Variants in GPLD1 observed in about 807,000 individuals in gnomAD.
GPLD1 encodes phosphatidylinositol-glycan-specific phospholipase D.
GPLD1 carries 84 observed loss-of-function variants against 112.6 expected under a neutral mutation model. The observed-to-expected ratio is 0.75, with a 90% CI of 0.63 to 0.89. The LOEUF (loss-of-function observed/expected upper bound fraction) is 0.89. Ranked by LOEUF, GPLD1 falls within the 40% of genes least tolerant of loss-of-function variation. GPLD1 has a pLI of 0.00. For synonymous variants in GPLD1, 386 were observed against 403.8 expected, an observed-to-expected ratio of 0.96 and a Z score of 0.53; for missense variants, 1,044 against 1,051.5, an observed-to-expected ratio of 0.99 and a Z score of 0.10.
At position 24,445,720 on chromosome 6, in the gene GPLD1, T is replaced by C; in HGVS notation, c.1926+6A>G. 6.2e-7 allele frequency: 1 copy of C among 1,610,810 alleles called. No homozygotes were observed. The highest frequency in any genetic ancestry group is 1.3e-5 in the African/African-American group (1 of 74,936). On this transcript the variant is annotated splice_donor_region_variant and intron_variant, in intron 19 of 24. Transcript: ENST00000230036. ...CACTCTCCTGTGTGGGGAGGGCTTG[T>C]CATACCTTGTCTCCAGAAATGGTAA...
chr6:24,459,955 C>T (rs757299595), intron 12 of GPLD1, among the ~76,000 whole-genome samples: 9 of 152,120 alleles, frequency 5.9e-5, no homozygotes, highest in Non-Finnish European at 1.2e-4. Context: ...CTGGAGTGCA[C>T]TGGCATGATC....
At chr6:24,437,064 CT>C (rs778755671) in intron 21 of GPLD1, 48 bp downstream of exon 21, 10 of 1,556,518 alleles carry the variant, frequency 6.4e-6, no homozygotes, top group Non-Finnish European at 8.8e-7. Context: ...GACCCACCCC[CT>C]GGGCAAAGGG....
At chr6:24,442,873 G>A (rs2127325684) in intron 20 of GPLD1, among the ~76,000 whole-genome samples, 1 of 152,148 alleles carries the variant, frequency 6.6e-6, no homozygotes, top group South Asian at 2.1e-4. Context: ...GACCCACCAT[G>A]CCTGACCTTC....
intron 2 of GPLD1, among the ~76,000 whole-genome samples, chr6:24,482,275 AT>A (rs753817010): frequency 6.9e-6 from 1 of 145,686 alleles, no homozygotes; most frequent in Non-Finnish European, 1.5e-5. Context: ...TAATTTTTGT[AT>A]TTTTTTTCTT....
At chr6:24,480,938 G>T (rs1010672408) in intron 2 of GPLD1, among the ~76,000 whole-genome samples, 1 of 152,220 alleles carries the variant, frequency 6.6e-6, no homozygotes, top group East Asian at 1.9e-4. Flanking sequence ...TTGCAGCTCT[G>T]GCTTCCCACG....
At chr6:24,478,475 C>T (rs1386107275) in intron 3 of GPLD1, among the ~76,000 whole-genome samples, 1 of 148,784 alleles carries the variant, frequency 6.7e-6, no homozygotes, top group African/African-American at 2.6e-5. Flanking sequence ...GCAGTTTATA[C>T]AAGTACCCAG....
intron 24 of GPLD1, 52 bp from the exon 25 acceptor site, chr6:24,429,170 T>A: frequency 1.8e-6 from 2 of 1,126,892 alleles, no homozygotes; most frequent in East Asian, 2.4e-5. Context: ...ATCTATTGAG[T>A]TCCTATGGTA....
chr6:24,450,121 C>T lies in GPLD1; in HGVS notation c.1336-222G>A, dbSNP rs926390438. 3.3e-5 allele frequency among the ~76,000 whole-genome samples: 5 copies of T among 152,142 alleles called. No homozygotes were observed. In the South Asian group the frequency reaches 8.3e-4, roughly 25 times the overall value. The stretch of plus-strand genomic sequence containing the variant: ...CTGCCTTGAGGGGAAGCAGAGATGC[C>T]AGAAAGTAGAGGGTTGGTTCTTATG... On this transcript the variant is annotated intron_variant, in intron 14 of 24. Coordinates refer to ENST00000230036, the MANE Select transcript of GPLD1 (RefSeq NM_001503.4).
chr6:24,461,325 T>G (rs888252853), intron 11 of GPLD1, among the ~76,000 whole-genome samples: 9 of 151,810 alleles, frequency 5.9e-5, no homozygotes, highest in Non-Finnish European at 8.8e-5. Flanking sequence ...AGGAATGGTT[T>G]GCTAGGAAAA....
At chr6:24,447,159 A>G (rs1166639747) in intron 17 of GPLD1, among the ~76,000 whole-genome samples, 180 bp from the exon 18 acceptor site, 1 of 152,116 alleles carries the variant, frequency 6.6e-6, no homozygotes, top group Non-Finnish European at 1.5e-5. Context: ...CTCACTCTTC[A>G]TACAAGAAAT....
chr6:24,485,558 A>C (rs1040440521), intron 2 of GPLD1, among the ~76,000 whole-genome samples: 1 of 152,204 alleles, frequency 6.6e-6, no homozygotes, highest in Non-Finnish European at 1.5e-5. Flanking sequence ...GATACCTATA[A>C]AATGTTCAAG....
Position 24,454,075 on chromosome 6 carries a change from G to T in GPLD1, c.1275C>A (p.Gly425=), listed in dbSNP as rs1139467. Residue 425 remains glycine, a synonymous_variant, in exon 14 of 25, where the codon GGC becomes GGA. Coordinates refer to ENST00000230036, the MANE Select transcript of GPLD1 (RefSeq NM_001503.4). The stretch of plus-strand genomic sequence containing the variant: ...CCAGGTCCAGGTCAACAGGTGGCAG[G>T]CCCAGGTCATTGCCGTAGATGAGGT... The part of the protein sequence containing the change: ...RVYLIYGNDL[G]LPPVDLDLDK... 2 of 1,613,444 alleles carry T rather than the reference G, an allele frequency of 1.2e-6. No homozygotes were observed. The highest frequency in any genetic ancestry group is 1.7e-6 in the Non-Finnish European group (2 of 1,179,422).
chr6:24,460,063 AATTT>A (rs977322832), intron 12 of GPLD1, among the ~76,000 whole-genome samples: 29 of 152,008 alleles, frequency 1.9e-4, no homozygotes, highest in African/African-American at 6.8e-4. Context: ...ACACCCAGCT[AATTT>A]ATTTATTTTT....
chr6:24,462,897 A>C (rs1246980461), intron 10 of GPLD1, 102 bp from the exon 11 acceptor site: 1 of 865,820 alleles, frequency 1.2e-6, no homozygotes, highest in Non-Finnish European at 2.0e-6. Flanking sequence ...CAAAGGCTTA[A>C]AGTGTTTATT....
intron 12 of GPLD1, among the ~76,000 whole-genome samples, chr6:24,459,243 CCTG>C (rs1167702527): frequency 1.2e-4 from 16 of 134,418 alleles, no homozygotes; most frequent in African/African-American, 4.4e-4. Flanking sequence ...AGCTTTTCTC[CCTG>C]CTATTTTTTT....
At chr6:24,495,209 G>A (rs1220581277), upstream of GPLD1, 52 of 1,507,272 alleles carry the variant, frequency 3.4e-5, no homozygotes, top group Non-Finnish European at 4.6e-5. Flanking sequence ...GCTGGCTCCC[G>A]GCCGCCGCCA....
chr6:24,456,633 G>A lies in GPLD1; in HGVS notation c.1013C>T (p.Ser338Phe). 1 of 1,593,210 alleles carries A rather than the reference G, an allele frequency of 6.3e-7. No homozygotes were observed. The highest frequency in any genetic ancestry group is 8.6e-7 in the Non-Finnish European group (1 of 1,166,452). ...FFSVNSWTPD[S>F]MSFIYKALER... is the part of the protein sequence containing the mutation. ...CAAAGCCTTGTAGATAAAGGACATG[G>A]AATCCTGAAATAAAAGAATCATTAT... The change falls in exon 13 of 25, where the codon TCC (serine) becomes TTC (phenylalanine). Residue 338 changes from serine (S) to phenylalanine (F), a missense_variant. By Grantham distance (155) the Ser-to-Phe change is radical (BLOSUM62 -2). Transcript: ENST00000230036.
At chr6:24,473,692 G>C (rs1763903592) in intron 5 of GPLD1, 25 bp from the exon 6 acceptor site, 1 of 1,552,904 alleles carries the variant, frequency 6.4e-7, no homozygotes, top group Non-Finnish European at 8.9e-7. Flanking sequence ...GAACCATCTG[G>C]TGTGTATTAC....
chr6:24,454,212 T>C lies in GPLD1; in HGVS notation c.1149-11A>G. Reference sequence around the variant, plus strand: ...GCTGAGGTCATTGCCCTTAGGGAAGTGAAGGGACCCACCATGGTATGCACT... The same window carrying C: ...GCTGAGGTCATTGCCCTTAGGGAAGCGAAGGGACCCACCATGGTATGCACT... On this transcript the variant is annotated splice_polypyrimidine_tract_variant and intron_variant, in intron 13 of 24. Coordinates refer to ENST00000230036, the MANE Select transcript of GPLD1 (RefSeq NM_001503.4). 4 of 1,601,184 alleles carry C rather than the reference T, an allele frequency of 2.5e-6. No homozygotes were observed. The highest frequency in any genetic ancestry group is 3.4e-6 in the Non-Finnish European group (4 of 1,172,526).
Sources: gnomAD v4.1 joint callset for allele counts (sites outside exome capture counted in the v4.1 genomes callset) on GRCh38, gnomAD v4.1.1 for gene constraint, MANE v1.5 for transcripts, NCBI Gene and HGNC (gene_info 2026-07-23, HGNC 2026-07-21) for gene names.